Variants in SH3GLB2 observed in about 807,000 individuals in gnomAD.
SH3GLB2 encodes endophilin-B2.
In SH3GLB2, 24 loss-of-function variants were observed where a neutral mutation model predicts 48.0. The observed-to-expected ratio is 0.50, with a 90% CI of 0.36 to 0.70. The LOEUF (loss-of-function observed/expected upper bound fraction) is 0.70. Ranked by LOEUF, SH3GLB2 falls within the 30% of genes least tolerant of loss-of-function variation. The pLI, the probability that SH3GLB2 is intolerant of heterozygous loss-of-function variation, is 0.00. For synonymous variants in SH3GLB2, 227 were observed against 207.6 expected (o/e 1.09, Z -0.80); for missense variants, 425 against 516.0 (o/e 0.82, Z 1.71).
intron 6 of SH3GLB2, chr9:129,010,925 C>T (rs768457873): frequency 8.0e-5 from 47 of 587,598 alleles, no homozygotes; most frequent in Non-Finnish European, 1.3e-4. Context: ...CAGCAGGAGT[C>T]CTGCTTATAT....
Position 129,010,682 on chromosome 9 carries a change from A to G in SH3GLB2, c.636T>C (p.Asp212=), listed in dbSNP as rs1312962362. 6.2e-7 allele frequency: 1 copy of G among 1,613,580 alleles called. No homozygotes were observed. Among genetic ancestry groups the G allele is most frequent in the Admixed American group, 1.7e-5 (1 of 59,976 alleles). ...LSASASALWN[D]EVDKAEQELR... is the part of the protein sequence containing the mutation. ...GGCCCCAACTTACCTTGTCCACTTCATCATTCCAGAGCTGTGGAGACGGCA... is the reference window on the plus strand; with the variant it reads ...GGCCCCAACTTACCTTGTCCACTTCGTCATTCCAGAGCTGTGGAGACGGCA... The change falls in exon 7 of 11, where the codon GAT becomes GAC. Residue 212 remains aspartate, a synonymous_variant. Coordinates refer to ENST00000372564, the MANE Select transcript of SH3GLB2 (RefSeq NM_020145.4).
intron 5 of SH3GLB2, chr9:129,013,350 G>GGCTCCTCTGGCCTGGCTGA (rs1843232806): frequency 2.6e-6 from 1 of 392,134 alleles, no homozygotes; most frequent in Non-Finnish European, 4.7e-6. Context: ...TGACAGGAAA[G>GGCTCCTCTGGCCTGGCTGA]GCTCCTCTGG....
intron 5 of SH3GLB2, chr9:129,013,292 TG>T: frequency 1.9e-6 from 1 of 512,918 alleles, no homozygotes; most frequent in Non-Finnish European, 3.5e-6. Flanking sequence ...CCCCAGGATG[TG>T]AGGTTGTCCA....
rs377641640 is a variant in SH3GLB2, at chr9:129,017,501, T to C, written c.335-2597A>G. ...ATATGAGGCTGGGTGTGCTGGCTCATGCCTGTAATCCCAGCACTTTGGGAG... is the reference window on the plus strand; with the variant it reads ...ATATGAGGCTGGGTGTGCTGGCTCACGCCTGTAATCCCAGCACTTTGGGAG... On this transcript the variant is annotated intron_variant, in intron 3 of 10. Coordinates refer to ENST00000372564, the MANE Select transcript of SH3GLB2 (RefSeq NM_020145.4). Among the ~76,000 whole-genome samples, 9 of 152,218 alleles carry C rather than the reference T, an allele frequency of 5.9e-5. No homozygotes were observed. In the East Asian group the frequency reaches 1.4e-3, roughly 23 times the overall value.
chr9:129,010,790 T>TCTGCCCCC, intron 6 of SH3GLB2, 97 bp from the exon 7 acceptor site: 2 of 1,465,474 alleles, frequency 1.4e-6, no homozygotes, highest in Non-Finnish European at 1.9e-6. Flanking sequence ...AGACTCAACT[T>TCTGCCCCC]CTGCCCCCCT....
chr9:129,023,245 C>G (rs948806817), intron 1 of SH3GLB2, among the ~76,000 whole-genome samples: 3 of 152,132 alleles, frequency 2.0e-5, no homozygotes, highest in African/African-American at 4.8e-5. Context: ...ACACTGCCAG[C>G]CTATCAGAGC....
rs371175794 is a variant in SH3GLB2 at position 129,009,313 on chromosome 9, G to A, written c.873C>T (p.Pro291=). Reference sequence around the variant, plus strand: ...AGGTGCTGCTCAGGGGTGGGGAGGCGGGCTCTGTGGTGCCCACGAAGGTGC... The same window carrying A: ...AGGTGCTGCTCAGGGGTGGGGAGGCAGGCTCTGTGGTGCCCACGAAGGTGC... The part of the protein sequence containing the change: ...FPGTFVGTTE[P]ASPPLSSTSP... Residue 291 remains proline, a synonymous_variant, in exon 10 of 11, where the codon CCC becomes CCT. Coordinates refer to ENST00000372564, the MANE Select transcript of SH3GLB2 (RefSeq NM_020145.4). 42 of 1,544,218 alleles carry A rather than the reference G, an allele frequency of 2.7e-5. No homozygotes were observed. The African/African-American group carries it at 3.3e-4, about 12-fold the overall frequency.
Position 129,021,178 on chromosome 9 carries a change from T to C in SH3GLB2, c.247A>G (p.Lys83Glu). The change falls in exon 3 of 11, where the codon AAG (lysine) becomes GAG (glutamate). Residue 83 changes from lysine (K) to glutamate (E), a missense_variant. Physicochemically the swap from Lys to Glu is moderately conservative, Grantham distance 56 (BLOSUM62 1). Coordinates refer to ENST00000372564, the MANE Select transcript of SH3GLB2 (RefSeq NM_020145.4). The part of the protein sequence containing the change: ...EEFLYEKLDR[K>E]VPSRVTNGEL... ...CCGTTGGTGACCCTTGAGGGGACCT[T>C]CCTGTCCAGCTTCTCATACAGGAAC... 1 of 1,611,914 alleles carries C rather than the reference T, an allele frequency of 6.2e-7. No individual in the cohort carries two copies. Among genetic ancestry groups the C allele is most frequent in the African/African-American group, 1.3e-5 (1 of 74,930 alleles).
intron 1 of SH3GLB2, among the ~76,000 whole-genome samples, chr9:129,025,623 A>AAGGAAGGCAGGC (rs1554835515): frequency 6.8e-6 from 1 of 146,148 alleles, no homozygotes; most frequent in African/African-American, 2.5e-5. Flanking sequence ...GGAAGGAAGG[A>AAGGAAGGCAGGC]AGGCAGGCAG....
chr9:129,014,070 G>A lies in SH3GLB2; in HGVS notation c.561+341C>T, dbSNP rs1409373628. ...AGCAAGTAGTAGAGTTAGTAAGAAG[G>A]TGCCATGCCCGGGCAGAGCCGGGGA... On this transcript the variant is annotated intron_variant, in intron 5 of 10. Transcript: ENST00000372564. The surrounding 1 kb of genome is among the most constrained non-coding windows in gnomAD (Gnocchi z 4.1). 1 of 545,662 alleles carries A rather than the reference G, an allele frequency of 1.8e-6. No individual in the cohort carries two copies. The highest frequency in any genetic ancestry group is 3.5e-6 in the Non-Finnish European group (1 of 285,306). 33.8% of individuals were successfully genotyped at this position (545,662 alleles called of 1,614,324 possible). A position where few individuals can be genotyped will look rare whatever the true frequency, so the allele number is the denominator to read the frequency against.
chr9:129,028,168 G>T lies in SH3GLB2; in HGVS notation c.-14C>A. The stretch of plus-strand genomic sequence containing the variant: ...GTTGAAGTCCATGGCGTGCCCGCAC[G>T]GCCGCCGCGCACGGCCCGAGCGCAG... On this transcript the variant is annotated 5_prime_UTR_variant, in exon 1 of 11. Transcript: ENST00000372564. 7.0e-7 allele frequency: 1 copy of T among 1,423,336 alleles called. No homozygotes were observed. The highest frequency in any genetic ancestry group is 9.2e-7 in the Non-Finnish European group (1 of 1,085,224). The allele number at this position is 1,423,336 out of a possible 1,614,324, so 88.2% of individuals were successfully genotyped here.
intron 7 of SH3GLB2, 160 bp from the exon 8 acceptor site, chr9:129,010,369 A>T: frequency 1.5e-6 from 1 of 660,536 alleles, no homozygotes. Flanking sequence ...CCCCAACCCC[A>T]GAGAAGCTAG....
intron 3 of SH3GLB2, among the ~76,000 whole-genome samples, chr9:129,016,150 C>A (rs1843404763): frequency 6.6e-6 from 1 of 151,570 alleles, no homozygotes; most frequent in Non-Finnish European, 1.5e-5. Context: ...CGAGACCAAC[C>A]TGGACAACAT....
chr9:129,022,516 C>G (rs968922221), intron 1 of SH3GLB2, 93 bp from the exon 2 acceptor site: 2 of 1,180,170 alleles, frequency 1.7e-6, no homozygotes, highest in East Asian at 2.5e-5. Flanking sequence ...CCCTCCCCAC[C>G]AGCAGGAACC....
chr9:129,014,212 G>A lies in SH3GLB2; in HGVS notation c.561+199C>T, dbSNP rs1843291892. Among the ~76,000 whole-genome samples the A allele has an allele frequency of 6.6e-6, 1 of 152,106 alleles. No homozygotes were observed. The highest frequency in any genetic ancestry group is 2.4e-5 in the African/African-American group (1 of 41,428). On this transcript the variant is annotated intron_variant, in intron 5 of 10. Transcript: ENST00000372564. The surrounding 1 kb of genome is among the most constrained non-coding windows in gnomAD (Gnocchi z 4.1). ...CCGCCCACACCGTAGATATCTCCCTGGGAACCAGAGCTCGGGGGCCACCAA... is the reference window on the plus strand; with the variant it reads ...CCGCCCACACCGTAGATATCTCCCTAGGAACCAGAGCTCGGGGGCCACCAA...
intron 5 of SH3GLB2, 25 bp from the exon 6 acceptor site, chr9:129,012,323 G>A (rs1843175252): frequency 1.6e-6 from 2 of 1,279,524 alleles, no homozygotes; most frequent in East Asian, 3.0e-5. Flanking sequence ...AGTTCATGTG[G>A]GGAGGGGGTC....
At position 129,019,459 on chromosome 9, in the gene SH3GLB2, A is replaced by C. The variant is rs538119817; in HGVS notation, c.334+1632T>G. ...AGTTGCTCACGCCTGTTATCCCAGC[A>C]CTTTGGGAGGCTGAGGCGGGTGGAT... On this transcript the variant is annotated intron_variant, in intron 3 of 10. Coordinates refer to ENST00000372564, the MANE Select transcript of SH3GLB2 (RefSeq NM_020145.4). Among the ~76,000 whole-genome samples, 270 of 152,046 alleles carry C rather than the reference A, an allele frequency of 1.8e-3. 2 individuals carry two copies. The highest frequency in any genetic ancestry group is 0.013 in the South Asian group (65 of 4,824).
rs554295326 is a variant in SH3GLB2 at position 129,009,117 on chromosome 9, G to A, written c.1069C>T (p.Leu357=). Residue 357 remains leucine (L), a synonymous_variant, in exon 10 of 11, where the codon CTG becomes TTG. Transcript: ENST00000372564. ...EAADSSELAL[L]ADELITVYSL... ...GGCACCGGGCCCACCTCATCAGCCA[G>A]CAGGGCCAGCTCACTGCTGTCGGCT... 3.1e-6 allele frequency: 5 copies of A among 1,609,000 alleles called. No individual in the cohort carries two copies. The East Asian group carries it at 1.1e-4, about 36-fold the overall frequency.
chr9:129,024,344 G>A (rs570880424), intron 1 of SH3GLB2, among the ~76,000 whole-genome samples: 134 of 151,138 alleles, frequency 8.9e-4, no homozygotes, highest in Non-Finnish European at 8.8e-4. Flanking sequence ...GGCGGATCAC[G>A]AGGTCAGGAG....
Sources: gnomAD v4.1 joint callset for allele counts (sites outside exome capture counted in the v4.1 genomes callset) on GRCh38, gnomAD v4.1.1 for gene constraint, Gnocchi (gnomAD v3.1) non-coding constraint, MANE v1.5 for transcripts, NCBI Gene and HGNC (gene_info 2026-07-23, HGNC 2026-07-21) for gene names.